Variants in ABL1 observed in about 807,000 individuals in gnomAD.
ABL1 encodes the protein tyrosine-protein kinase ABL1.
Under a neutral mutation model 94.7 loss-of-function variants are expected in ABL1, and 11 were observed. That is an observed-to-expected ratio of 0.12 (90% CI 0.07 to 0.19). The LOEUF is 0.19. Ranked by LOEUF, ABL1 falls within the 10% of genes least tolerant of loss-of-function variation. The probability of loss-of-function intolerance (pLI) is 1.00; values close to 1 mark genes in which losing one functional copy is unlikely to be tolerated. For synonymous variants in ABL1, 656 were observed against 622.4 expected (o/e 1.05, Z -0.80); for missense variants, 1,082 against 1,489.4 (o/e 0.73, Z 4.50).
At chr9:130,820,067 G>T (rs1331485722) in intron 1 of ABL1, among the ~76,000 whole-genome samples, 1 of 151,952 alleles carries the variant, frequency 6.6e-6, no homozygotes, top group African/African-American at 2.4e-5. Context: ...TCACACTCAT[G>T]AAATATTTAT....
intron 1 of ABL1, among the ~76,000 whole-genome samples, chr9:130,793,115 G>A (rs181582068): frequency 2.0e-5 from 3 of 152,146 alleles, no homozygotes; most frequent in Non-Finnish European, 2.9e-5. Context: ...TAGTAGAGAC[G>A]GGGTTTCATC....
At chr9:130,737,212 G>T (rs1469948539) in intron 1 of ABL1, among the ~76,000 whole-genome samples, 1 of 151,958 alleles carries the variant, frequency 6.6e-6, no homozygotes, top group Non-Finnish European at 1.5e-5. Context: ...AGGTGTGCAG[G>T]CATCTTCTTT....
At chr9:130,791,813 G>A (rs1022142298) in intron 1 of ABL1, among the ~76,000 whole-genome samples, 1 of 152,032 alleles carries the variant, frequency 6.6e-6, no homozygotes, top group Non-Finnish European at 1.5e-5. Context: ...TCTCTTTCCC[G>A]GCTTGCAGAC....
chr9:130,784,510 T>C (rs1829802325), intron 1 of ABL1, among the ~76,000 whole-genome samples: 1 of 152,208 alleles, frequency 6.6e-6, no homozygotes, highest in Non-Finnish European at 1.5e-5. Context: ...AAATTCTGGA[T>C]TTTTTCATAT....
chr9:130,822,047 C>T (rs1830370094), intron 1 of ABL1, among the ~76,000 whole-genome samples: 1 of 152,054 alleles, frequency 6.6e-6, no homozygotes, highest in African/African-American at 2.4e-5. Flanking sequence ...ACTGTGTTAG[C>T]CGGGATGCTC....
At chr9:130,742,128 C>G (rs529801461) in intron 1 of ABL1, among the ~76,000 whole-genome samples, 44 of 152,252 alleles carry the variant, frequency 2.9e-4, no homozygotes, top group African/African-American at 9.1e-4. Flanking sequence ...TGTATGTTCT[C>G]TGGTTGCCCC....
At chr9:130,807,671 TATA>T (rs1830144439) in intron 1 of ABL1, among the ~76,000 whole-genome samples, 2 of 8,132 alleles carry the variant, frequency 2.5e-4, no homozygotes, top group African/African-American at 4.7e-4. Flanking sequence ...CTTAATTTTA[TATA>T]TATATATATA....
intron 4 of ABL1, among the ~76,000 whole-genome samples, chr9:130,864,763 C>T (rs1290338652): frequency 1.3e-5 from 2 of 152,098 alleles, no homozygotes; most frequent in African/African-American, 4.8e-5. Context: ...GTGCAGGTGC[C>T]CCAGCTCCTT....
chr9:130,760,866 C>G (rs1461322048), intron 1 of ABL1, among the ~76,000 whole-genome samples: 1 of 148,962 alleles, frequency 6.7e-6, no homozygotes, highest in Non-Finnish European at 1.5e-5. Context: ...GGGGTTTCAC[C>G]ATGTTGGCCA....
chr9:130,755,256 G>A (rs1304990023), intron 1 of ABL1, among the ~76,000 whole-genome samples: 1 of 152,190 alleles, frequency 6.6e-6, no homozygotes, highest in African/African-American at 2.4e-5. Context: ...CTGAAGAAAG[G>A]CAGAGGACAC....
chr9:130,827,740 C>T (rs1830442784), intron 1 of ABL1, among the ~76,000 whole-genome samples: 1 of 151,812 alleles, frequency 6.6e-6, no homozygotes, highest in South Asian at 2.1e-4. Flanking sequence ...ACTAAAAATA[C>T]AAAAATTAAC....
chr9:130,806,783 A>AT (rs1435890817), intron 1 of ABL1, among the ~76,000 whole-genome samples: 10 of 152,152 alleles, frequency 6.6e-5, no homozygotes, highest in Non-Finnish European at 1.0e-4. Flanking sequence ...ACACACCTTT[A>AT]TTTTTTTAAC....
chr9:130,825,504 C>T (rs912421917), intron 1 of ABL1, among the ~76,000 whole-genome samples: 8 of 152,222 alleles, frequency 5.3e-5, no homozygotes, highest in Non-Finnish European at 1.2e-4. Context: ...TCCTACTTGG[C>T]TGAGTTTACC....
rs1831276610 is a variant in ABL1 at position 130,872,881 on chromosome 9, C to T, written c.929C>T (p.Pro310Leu). ...QLLGVCTREP[P>L]FYIITEFMTY... is the part of the protein sequence containing the mutation. Reference sequence around the variant, plus strand: ...GCAGGGGTCTGCACCCGGGAGCCCCCGTTCTATATCATCACTGAGTTCATG... The same window carrying T: ...GCAGGGGTCTGCACCCGGGAGCCCCTGTTCTATATCATCACTGAGTTCATG... The change falls in exon 6 of 11, where the codon CCG (proline) becomes CTG (leucine). Residue 310 changes from proline to leucine, a missense_variant. By Grantham distance (98) the Pro-to-Leu change is moderately conservative. Coordinates refer to ENST00000318560, the MANE Select transcript of ABL1 (RefSeq NM_005157.6). The surrounding 1 kb of genome is among the most constrained non-coding windows in gnomAD (Gnocchi z 5.0). 6.2e-7 allele frequency: 1 copy of T among 1,612,782 alleles called. No individual in the cohort carries two copies.
intron 1 of ABL1, among the ~76,000 whole-genome samples, chr9:130,783,315 G>A (rs1380420632): frequency 6.6e-6 from 1 of 152,186 alleles, no homozygotes; most frequent in Non-Finnish European, 1.5e-5. Flanking sequence ...GACCTGATGA[G>A]ATGGAGGCTG....
chr9:130,761,821 C>CA (rs1267655589), intron 1 of ABL1, among the ~76,000 whole-genome samples: 3 of 152,026 alleles, frequency 2.0e-5, no homozygotes, highest in African/African-American at 7.3e-5. Context: ...CATCACATTA[C>CA]AAAATAAATA....
At chr9:130,718,959 C>T (rs1184010568) in intron 1 of ABL1, among the ~76,000 whole-genome samples, 2 of 152,106 alleles carry the variant, frequency 1.3e-5, no homozygotes, top group Non-Finnish European at 2.9e-5. Flanking sequence ...GAAGTACTAA[C>T]ACTGAATGAT....
chr9:130,859,605 T>TGCACAAGTCTAAG (rs1166727529), intron 3 of ABL1, among the ~76,000 whole-genome samples: 1 of 151,014 alleles, frequency 6.6e-6, no homozygotes, highest in African/African-American at 2.4e-5. Context: ...AGCCAAAGGT[T>TGCACAAGTCTAAG]GCACAAGTCT....
chr9:130,749,828 A>G (rs1310765522), intron 1 of ABL1, among the ~76,000 whole-genome samples: 1 of 152,120 alleles, frequency 6.6e-6, no homozygotes, highest in Non-Finnish European at 1.5e-5. Flanking sequence ...TTGAGATACA[A>G]GATCTCCATT....
Sources: allele counts gnomAD v4.1 joint callset (sites outside exome capture counted in the v4.1 genomes callset), GRCh38; gene constraint gnomAD v4.1.1; non-coding constraint Gnocchi (gnomAD v3.1); transcripts MANE v1.5; gene names NCBI Gene and HGNC (gene_info 2026-07-23, HGNC 2026-07-21).